DDX4: variants seen among roughly 807,000 people sequenced by gnomAD.
DDX4 encodes the protein DEAD-box helicase 4.
Under a neutral mutation model 100.0 loss-of-function variants are expected in DDX4, and 25 were observed. The ratio of observed to expected loss-of-function variants is 0.25; its 90% CI spans 0.18 to 0.35. The LOEUF (loss-of-function observed/expected upper bound fraction) is 0.35, where lower values mean the gene tolerates loss of function less well. DDX4 is among the 10% of genes least tolerant of loss of function. The pLI is 1.00. For synonymous variants in DDX4, 259 were observed against 275.7 expected (o/e 0.94, Z 0.60); for missense variants, 635 against 882.4 (o/e 0.72, Z 3.55).
chr5:55,777,882 A>G (rs915202248), intron 7 of DDX4, among the ~76,000 whole-genome samples: 2 of 152,192 alleles, frequency 1.3e-5, no homozygotes, highest in African/African-American at 4.8e-5. Context: ...TAATCTAACA[A>G]TATACTAAGA....
intron 7 of DDX4, among the ~76,000 whole-genome samples, chr5:55,771,440 T>G (rs1741248603): frequency 6.6e-6 from 1 of 152,214 alleles, no homozygotes; most frequent in East Asian, 1.9e-4. Context: ...TTTGTTGCAA[T>G]TGTAGATCAT....
chr5:55,770,977 T>C (rs988141775), intron 7 of DDX4, among the ~76,000 whole-genome samples: 1 of 152,220 alleles, frequency 6.6e-6, no homozygotes. Context: ...TTTGCAGCTC[T>C]ATGTGCTTGG....
At chr5:55,799,528 A>G (rs1179975781) in intron 18 of DDX4, among the ~76,000 whole-genome samples, 1 of 151,780 alleles carries the variant, frequency 6.6e-6, no homozygotes, top group East Asian at 1.9e-4. Flanking sequence ...GGCGTGCACC[A>G]CCATGCCCAA....
intron 18 of DDX4, among the ~76,000 whole-genome samples, chr5:55,810,023 T>A (rs1744025124): frequency 7.6e-6 from 1 of 131,526 alleles, no homozygotes; most frequent in Admixed American, 8.2e-5. Flanking sequence ...GGGACTCCCG[T>A]AAAGCATACA....
rs1489435231 is a variant in DDX4 at position 55,738,080 on chromosome 5, TG to T, written c.-33del. 2.0e-5 allele frequency: 3 copies of T among 152,278 alleles called. No individual in the cohort carries two copies. The highest frequency in any genetic ancestry group is 4.4e-5 in the Non-Finnish European group (3 of 68,072). 9.4% of individuals were successfully genotyped at this position (152,278 alleles called of 1,614,324 possible). A position where few individuals can be genotyped will look rare whatever the true frequency, so the allele number is the denominator to read the frequency against. On this transcript the variant is annotated 5_prime_UTR_variant, in exon 1 of 22. Transcript: ENST00000505374. The stretch of plus-strand genomic sequence containing the variant: ...AGTCGCGTGGGCGCCTGCGAGGGCT[TG>T]GGAGAGCAAGCCGCGGAGAGGTGAG...
chr5:55,766,034 GTC>G (rs1044625514), intron 6 of DDX4, among the ~76,000 whole-genome samples: 4 of 150,252 alleles, frequency 2.7e-5, no homozygotes, highest in African/African-American at 9.8e-5. Flanking sequence ...GGCCAGGCTG[GTC>G]TCAAACTCCT....
chr5:55,813,819 G>A, intron 19 of DDX4, 47 bp downstream of exon 19: 1 of 1,484,016 alleles, frequency 6.7e-7, no homozygotes, highest in Non-Finnish European at 8.9e-7. Context: ...ACTTCTATTT[G>A]GTATTTAAGA....
In DDX4 at chr5:55,768,110, C is replaced by T. The variant is rs184273910; in HGVS notation, c.394+170C>T. 6 of 618,348 alleles carry T rather than the reference C, an allele frequency of 9.7e-6. No homozygotes were observed. In the East Asian group the frequency reaches 1.7e-4, roughly 18 times the overall value. 38.3% of individuals were successfully genotyped at this position (618,348 alleles called of 1,614,324 possible). Reference sequence around the variant, plus strand: ...TTTGAGTGAGTATTCAGTGGGTGCCCCTCCTTTCACTCTTTTATTTTATTT... The same window carrying T: ...TTTGAGTGAGTATTCAGTGGGTGCCTCTCCTTTCACTCTTTTATTTTATTT... On this transcript the variant is annotated intron_variant, in intron 7 of 21. Transcript: ENST00000505374.
rs1010672180 is a variant in DDX4, at chr5:55,738,095, C to T, written c.-21C>T. 4 of 152,288 alleles carry T rather than the reference C, an allele frequency of 2.6e-5. No homozygotes were observed. The highest frequency in any genetic ancestry group is 6.5e-5 in the Admixed American group (1 of 15,280). The allele number at this position is 152,288 out of a possible 1,614,324, so 9.4% of individuals were successfully genotyped here. A position where few individuals can be genotyped will look rare whatever the true frequency, so the allele number is the denominator to read the frequency against. ...TGCGAGGGCTTGGGAGAGCAAGCCG[C>T]GGAGAGGTGAGTGGGCCGCTTTTCT... On this transcript the variant is annotated 5_prime_UTR_variant, in exon 1 of 22. Coordinates refer to ENST00000505374, the MANE Select transcript of DDX4 (RefSeq NM_024415.3).
chr5:55,771,864 T>C (rs553036290), intron 7 of DDX4, among the ~76,000 whole-genome samples: 91 of 152,344 alleles, frequency 6.0e-4, no homozygotes, highest in African/African-American at 2.1e-3. Context: ...CCCATTTTTC[T>C]GTTGAGTATC....
chr5:55,770,795 CA>C (rs1247533814), intron 7 of DDX4, among the ~76,000 whole-genome samples: 1 of 152,088 alleles, frequency 6.6e-6, no homozygotes, highest in African/African-American at 2.4e-5. Context: ...TAAGAAAAAA[CA>C]AGACTCATCT....
intron 2 of DDX4, chr5:55,742,019 T>A: frequency 2.7e-6 from 1 of 368,420 alleles, no homozygotes; most frequent in South Asian, 2.1e-5. Context: ...GACATACGCT[T>A]ATATAATTTT....
chr5:55,807,336 T>C (rs745895305), intron 18 of DDX4, among the ~76,000 whole-genome samples: 26 of 152,174 alleles, frequency 1.7e-4, no homozygotes, highest in Non-Finnish European at 2.9e-4. Context: ...AAGGTTAATA[T>C]TGTTATGTGT....
At chr5:55,799,923 A>G (rs993912740) in intron 18 of DDX4, among the ~76,000 whole-genome samples, 1 of 151,748 alleles carries the variant, frequency 6.6e-6, no homozygotes, top group East Asian at 1.9e-4. Flanking sequence ...GAGCAAAAAG[A>G]AAAAATGGAA....
intron 9 of DDX4, among the ~76,000 whole-genome samples, 163 bp from the exon 10 acceptor site, chr5:55,781,771 G>GAAA (rs200213654): frequency 1.8e-5 from 2 of 108,178 alleles, no homozygotes; most frequent in Non-Finnish European, 3.9e-5. Context: ...AGTGAGACTT[G>GAAA]AAAAAAAAAA....
At position 55,781,934 on chromosome 5, in the gene DDX4, G is replaced by A. The variant is rs1459653066; in HGVS notation, c.578G>A (p.Gly193Asp). The A allele has an allele frequency of 1.2e-6, 2 of 1,614,006 alleles. No homozygotes were observed. The highest frequency in any genetic ancestry group is 1.7e-6 in the Non-Finnish European group (2 of 1,179,956). Reference sequence around the variant, plus strand: ...TATGTTGTGAAACAATGCCTTACAGGTAATGGTGATACTTCTCAAAGCAGA... The same window carrying A: ...TATGTTGTGAAACAATGCCTTACAGATAATGGTGATACTTCTCAAAGCAGA... ...GSRRPVLSGT[G>D]NGDTSQSRSG... The change falls in exon 10 of 22, where the codon GGT (glycine) becomes GAT (aspartate). Residue 193 changes from glycine (G) to aspartate (D), a missense_variant and splice_region_variant. Transcript: ENST00000505374.
intron 2 of DDX4, 39 bp downstream of exon 2, chr5:55,739,071 T>G (rs1758844017): frequency 2.4e-6 from 3 of 1,252,062 alleles, no homozygotes; most frequent in Non-Finnish European, 3.5e-6. Flanking sequence ...ATGCTACGGA[T>G]TTTATCAAAG....
At chr5:55,780,962 A>G (rs1741877065) in intron 8 of DDX4, 104 bp from the exon 9 acceptor site, 7 of 907,830 alleles carry the variant, frequency 7.7e-6, no homozygotes, top group Admixed American at 5.7e-5. Flanking sequence ...TTTACCCTGC[A>G]TCTTTTAACT....
chr5:55,760,263 AT>A lies in DDX4; in HGVS notation c.195del (p.Phe65LeufsTer98). ...AAAAGTGGATTTGCCTCTGGGCGGA[AT>A]TTTGGAAACAGAGGTAAGCATCTTT... is the stretch of plus-strand genomic sequence containing the variant. Reference protein sequence around the residue: ...FMKSGFASGRNFGNRDAGECN... With the variant: ...FMKSGFASGRXFGNRDAGECN... On this transcript the variant is annotated frameshift_variant, in exon 4 of 22. Transcript: ENST00000505374. LOFTEE classifies it high-confidence loss of function. The A allele has an allele frequency of 6.4e-7, 1 of 1,571,154 alleles. No homozygotes were observed. Among genetic ancestry groups the A allele is most frequent in the Non-Finnish European group, 8.6e-7 (1 of 1,164,292 alleles).
Sources: allele counts gnomAD v4.1 joint callset (sites outside exome capture counted in the v4.1 genomes callset), GRCh38; gene constraint gnomAD v4.1.1; transcripts MANE v1.5; gene names NCBI Gene and HGNC (gene_info 2026-07-23, HGNC 2026-07-21).